Variants in ANO7 observed in about 807,000 individuals in gnomAD.
The protein encoded by ANO7 is anoctamin 7.
Under a neutral mutation model 115.8 loss-of-function variants are expected in ANO7, and 114 were observed. That is an observed-to-expected ratio of 0.98 (90% confidence interval 0.85 to 1.15). The LOEUF is 1.15. Ranked by LOEUF, ANO7 falls within the 50% of genes most tolerant of loss-of-function variation. ANO7 has a pLI of 0.00. For missense variants in ANO7, 1,302 were observed against 1,201.2 expected, an observed-to-expected ratio of 1.08 and a Z score of -1.24; for synonymous variants, 550 against 498.2, an observed-to-expected ratio of 1.10 and a Z score of -1.38.
chr2:241,230,216 CA>C (rs2069576977), downstream of ANO7: 1 of 1,613,100 alleles, frequency 6.2e-7, no homozygotes, highest in Non-Finnish European at 8.5e-7. This position sits in a 1 kb window ranked among gnomAD's most constrained non-coding sequence, Gnocchi z 5.0. Context: ...GGAGCCCCGT[CA>C]CAGTGACGCA....
At chr2:241,192,535 G>A (rs2068231035) in intron 3 of ANO7, among the ~76,000 whole-genome samples, 1 of 152,030 alleles carries the variant, frequency 6.6e-6, no homozygotes, top group African/African-American at 2.4e-5. Context: ...CATGGATTAG[G>A]GCACACCCTA....
chr2:241,217,644 C>A, intron 19 of ANO7, 42 bp from the exon 20 acceptor site: 10 of 1,539,422 alleles, frequency 6.5e-6, no homozygotes, highest in Non-Finnish European at 8.7e-6. Context: ...GGGCTGAGGG[C>A]GGACGGTGGC....
the ANO7 span, chr2:241,240,035 C>A: frequency 1.9e-6 from 3 of 1,614,208 alleles, no homozygotes; most frequent in Non-Finnish European, 2.5e-6. This position sits in a 1 kb window ranked among gnomAD's most constrained non-coding sequence, Gnocchi z 5.5. Context: ...CTGTCGCGCA[C>A]CTTGCGAATT....
intron 19 of ANO7, among the ~76,000 whole-genome samples, chr2:241,216,489 G>A (rs534671469): frequency 2.4e-4 from 37 of 152,350 alleles, no homozygotes; most frequent in Admixed American, 1.4e-3. Flanking sequence ...CCCCGCGGCC[G>A]TTGCAGAGCT....
chr2:241,211,125 C>T (rs1320685321), intron 15 of ANO7, among the ~76,000 whole-genome samples: 2 of 152,166 alleles, frequency 1.3e-5, no homozygotes, highest in Admixed American at 6.5e-5. Flanking sequence ...CAGGGCCTTC[C>T]TGGAGATAAA....
At position 241,224,190 on chromosome 2, in the gene ANO7, G is replaced by A; in HGVS notation, c.*37G>A. ...ACATCTGGTGGTCCTTAGGGGAGTG[G>A]CCCCTCCTGAGCCCTGCGAGCAGCG... On this transcript the variant is annotated 3_prime_UTR_variant, in exon 25 of 25. Coordinates refer to ENST00000674324, the MANE Select transcript of ANO7 (RefSeq NM_001370694.2). 2 of 1,610,924 alleles carry A rather than the reference G, an allele frequency of 1.2e-6. No individual in the cohort carries two copies. The highest frequency in any genetic ancestry group is 1.7e-6 in the Non-Finnish European group (2 of 1,177,598).
the ANO7 span, chr2:241,238,457 CTCT>C: frequency 6.7e-6 from 3 of 446,268 alleles, no homozygotes; most frequent in East Asian, 9.8e-5. The surrounding 1 kb of genome is among the most constrained non-coding windows in gnomAD (Gnocchi z 4.9). Flanking sequence ...CACCTGGTCA[CTCT>C]GTCAGTAACT....
intron 23 of ANO7, 34 bp downstream of exon 23, chr2:241,223,815 C>G (rs755163752): frequency 1.2e-6 from 2 of 1,614,160 alleles, no homozygotes; most frequent in African/African-American, 1.3e-5. Flanking sequence ...GCCCTCCCCC[C>G]AGCCCTCTCC....
intron 3 of ANO7, 135 bp from the exon 4 acceptor site, chr2:241,195,568 A>T: frequency 1.3e-6 from 1 of 792,776 alleles, no homozygotes; most frequent in Non-Finnish European, 2.0e-6. Context: ...CAGAGAGGGG[A>T]TCGGGAAGGA....
In ANO7 at chr2:241,223,799, G is replaced by C; in HGVS notation, c.2532+18G>C. The C allele has an allele frequency of 6.2e-7, 1 of 1,614,220 alleles. No homozygotes were observed. The highest frequency in any genetic ancestry group is 8.5e-7 in the Non-Finnish European group (1 of 1,180,026). ...AGAATGAGGTGAACTGTACAGCCCA[G>C]TCTCGGCCCTCCCCCCAGCCCTCTC... On this transcript the variant is annotated intron_variant, in intron 23 of 24. Coordinates refer to ENST00000674324, the MANE Select transcript of ANO7 (RefSeq NM_001370694.2).
chr2:241,229,141 A>T (rs936465580), downstream of ANO7: 2 of 167,990 alleles, frequency 1.2e-5, no homozygotes, highest in African/African-American at 4.8e-5. Flanking sequence ...GGCTGATTGC[A>T]CTCCACAAAC....
rs759630458 is a variant in ANO7 at position 241,201,313 on chromosome 2, C to T, written c.570C>T (p.Asp190=). The T allele has an allele frequency of 1.2e-6, 2 of 1,613,372 alleles. No homozygotes were observed. The highest frequency in any genetic ancestry group is 1.7e-5 in the Admixed American group (1 of 59,894). The change falls in exon 7 of 25, where the codon GAC becomes GAT. Residue 190 remains aspartate, a synonymous_variant. Transcript: ENST00000674324. ...VNKLPRFLGS[D]NQDTFFTSTK... ...ATGCCCACAGCTTCCTCGGGAGTGA[C>T]AACCAGGACACCTTCTTCACAAGCA...
At chr2:241,210,912 C>T (rs1290462595) in intron 15 of ANO7, among the ~76,000 whole-genome samples, 1 of 152,100 alleles carries the variant, frequency 6.6e-6, no homozygotes, top group Non-Finnish European at 1.5e-5. Context: ...TCAAGGGATC[C>T]TCCTGCCTAG....
rs1347936020 is a variant in ANO7 at position 241,217,630 on chromosome 2, C to T, written c.1973-56C>T. ...GCCGGTCCTCCGCGGGGGGCGCGTT[C>T]CGAGGGCTGAGGGCGGACGGTGGCG... On this transcript the variant is annotated intron_variant, in intron 19 of 24. Coordinates refer to ENST00000674324, the MANE Select transcript of ANO7 (RefSeq NM_001370694.2). 2.6e-6 allele frequency: 4 copies of T among 1,525,584 alleles called. No homozygotes were observed. In the Admixed American group the frequency reaches 7.9e-5, roughly 30 times the overall value. The allele number at this position is 1,525,584 out of a possible 1,614,324, so 94.5% of individuals were successfully genotyped here. A position where few individuals can be genotyped will look rare whatever the true frequency, so the allele number is the denominator to read the frequency against.
chr2:241,211,674 C>G (rs1046418820), intron 15 of ANO7, among the ~76,000 whole-genome samples: 1 of 152,082 alleles, frequency 6.6e-6, no homozygotes, highest in Non-Finnish European at 1.5e-5. Flanking sequence ...GGGGAGCCAC[C>G]CATTTGTTTC....
At position 241,224,185 on chromosome 2, in the gene ANO7, G is replaced by A; in HGVS notation, c.*32G>A. ...GAAGGACATCTGGTGGTCCTTAGGGGAGTGGCCCCTCCTGAGCCCTGCGAG... is the reference window on the plus strand; with the variant it reads ...GAAGGACATCTGGTGGTCCTTAGGGAAGTGGCCCCTCCTGAGCCCTGCGAG... On this transcript the variant is annotated 3_prime_UTR_variant, in exon 25 of 25. Transcript: ENST00000674324. The A allele has an allele frequency of 1.2e-6, 2 of 1,613,002 alleles. No individual in the cohort carries two copies. Among genetic ancestry groups the A allele is most frequent in the Non-Finnish European group, 1.7e-6 (2 of 1,179,280 alleles).
downstream of ANO7, among the ~76,000 whole-genome samples, chr2:241,226,591 A>G (rs371251023): frequency 4.6e-5 from 7 of 151,890 alleles, no homozygotes; most frequent in Middle Eastern, 3.4e-3. Flanking sequence ...CACCCAGCTA[A>G]TTTTTTGCAT....
chr2:241,199,335 A>ACACCACAGTGCACTACGCC lies in ANO7; in HGVS notation c.331_349dup (p.Leu117HisfsTer80). 2 of 1,613,640 alleles carry ACACCACAGTGCACTACGCC rather than the reference A, an allele frequency of 1.2e-6. No individual in the cohort carries two copies. The highest frequency in any genetic ancestry group is 1.7e-6 in the Non-Finnish European group (2 of 1,179,972). ...CTACAGCAGGACGTCCAGGACGGGA[A>ACACCACAGTGCACTACGCC]CACCACAGTGCACTACGCCCTCCTC... On this transcript the variant is annotated frameshift_variant, in exon 5 of 25. Transcript: ENST00000674324. LOFTEE classifies it high-confidence loss of function.
At chr2:241,201,443 G>C in intron 7 of ANO7, 88 bp downstream of exon 7, 1 of 1,441,540 alleles carries the variant, frequency 6.9e-7, no homozygotes, top group Non-Finnish European at 9.5e-7. Flanking sequence ...ATGCAGAAAG[G>C]CCTGCTTGAG....
Sources: allele counts gnomAD v4.1 joint callset (sites outside exome capture counted in the v4.1 genomes callset), GRCh38; gene constraint gnomAD v4.1.1; non-coding constraint Gnocchi (gnomAD v3.1); transcripts MANE v1.5; gene names NCBI Gene and HGNC (gene_info 2026-07-23, HGNC 2026-07-21).